Variants in IFITM5 observed in about 807,000 individuals in gnomAD.
IFITM5 encodes the protein interferon induced transmembrane protein 5, also known as interferon-induced transmembrane protein 5.
Under a neutral mutation model 9.2 loss-of-function variants are expected in IFITM5, and 10 were observed. The ratio of observed to expected loss-of-function variants is 1.09; its 90% CI spans 0.67 to 1.85. IFITM5 has a LOEUF of 1.85. Ranked by LOEUF, IFITM5 falls within the 40% of genes most tolerant of loss-of-function variation. The probability of loss-of-function intolerance (pLI) is 0.00; values close to 1 mark genes in which losing one functional copy is unlikely to be tolerated. For missense variants in IFITM5, 225 were observed against 182.6 expected, an observed-to-expected ratio of 1.23 and a Z score of -1.34; for synonymous variants, 93 against 86.6, an observed-to-expected ratio of 1.07 and a Z score of -0.41.
Position 298,443 on chromosome 11 carries a change from G to A in IFITM5, c.*58C>T. On this transcript the variant is annotated 3_prime_UTR_variant, in exon 2 of 2. Transcript: ENST00000382614. ...CCGGGGAGTCAGTATTGGGCCCCAG[G>A]GGCAGCAGCCTGGGGTCAGTGTCCT... The A allele has an allele frequency of 6.4e-7, 1 of 1,552,370 alleles. No individual in the cohort carries two copies. The highest frequency in any genetic ancestry group is 1.4e-5 in the African/African-American group (1 of 73,688).
In IFITM5 at chr11:298,546, A is replaced by G; in HGVS notation, c.354T>C (p.Ser118=). 4 of 1,612,952 alleles carry G rather than the reference A, an allele frequency of 2.5e-6. No individual in the cohort carries two copies. Among genetic ancestry groups the G allele is most frequent in the Non-Finnish European group, 3.4e-6 (4 of 1,179,970 alleles). ...ALHLARLAKD[S]AAFFSTKFDD... is the part of the protein sequence containing the mutation. ...CAAACTTGGTGCTGAAGAAGGCGGC[A>G]GAGTCCTTGGCCAGCCGGGCCAGGT... The change falls in exon 2 of 2, where the codon TCT becomes TCC. Residue 118 remains serine (S), a synonymous_variant. Coordinates refer to ENST00000382614, the MANE Select transcript of IFITM5 (RefSeq NM_001025295.3).
chr11:298,837 G>T, intron 1 of IFITM5, 124 bp from the exon 2 acceptor site: 1 of 921,662 alleles, frequency 1.1e-6, no homozygotes, highest in Non-Finnish European at 1.6e-6. Context: ...ATGGAGGGGT[G>T]TGGCCTGAGG....
intron 1 of IFITM5, among the ~76,000 whole-genome samples, chr11:299,003 G>T (rs1430213418): frequency 6.6e-6 from 1 of 152,126 alleles, no homozygotes; most frequent in African/African-American, 2.4e-5. Flanking sequence ...TGTTCCAGAA[G>T]CCCACAGCAT....
Position 299,517 on chromosome 11 carries a change from T to C in IFITM5, c.-27A>G, listed in dbSNP as rs113160876. 12,882 of 1,441,638 alleles carry C rather than the reference T, an allele frequency of 8.9e-3. 580 individuals are homozygous for C. The South Asian group carries it at 0.1, about 11-fold the overall frequency. The allele number at this position is 1,441,638 out of a possible 1,614,324, so 89.3% of individuals were successfully genotyped here. A position where few individuals can be genotyped will look rare whatever the true frequency, so the allele number is the denominator to read the frequency against. On this transcript the variant is annotated 5_prime_UTR_variant, in exon 1 of 2. Coordinates refer to ENST00000382614, the MANE Select transcript of IFITM5 (RefSeq NM_001025295.3). ...GGTTCCAGCGCCGTCTCTTCCACAC[T>C]CAGACTGGTGCTGGGAGGGTGGGCA...
In IFITM5 at chr11:299,335, G is replaced by T; in HGVS notation, c.156C>A (p.Leu52=). ...TGGAGTAGGCCAGCGCCAGGAAGCC[G>T]AGGCAACACAGATTCAGGTAGAGGG... The part of the protein sequence containing the change: ...FSTLYLNLCC[L]GFLALAYSIK... Residue 52 remains leucine (L), a synonymous_variant, in exon 1 of 2, where the codon CTC becomes CTA. Transcript: ENST00000382614. 1 of 1,602,924 alleles carries T rather than the reference G, an allele frequency of 6.2e-7. No individual in the cohort carries two copies. Among genetic ancestry groups the T allele is most frequent in the Non-Finnish European group, 8.5e-7 (1 of 1,175,008 alleles).
In IFITM5 at chr11:299,355, A is replaced by G. The variant is rs1359191614; in HGVS notation, c.136T>C (p.Tyr46His). 1.2e-6 allele frequency: 2 copies of G among 1,601,960 alleles called. No individual in the cohort carries two copies. Among genetic ancestry groups the G allele is most frequent in the Non-Finnish European group, 1.7e-6 (2 of 1,174,582 alleles). ...AAGCCGAGGCAACACAGATTCAGGT[A>G]GAGGGTGCTGAACACCGACCAGATC... Reference protein sequence around the residue: ...HLIWSVFSTLYLNLCCLGFLA... With the variant: ...HLIWSVFSTLHLNLCCLGFLA... Residue 46 changes from tyrosine (Y) to histidine (H), a missense_variant, in exon 1 of 2, where the codon TAC (tyrosine) becomes CAC (histidine). Tyr to His is a moderately conservative substitution (Grantham distance 83). Coordinates refer to ENST00000382614, the MANE Select transcript of IFITM5 (RefSeq NM_001025295.3).
rs763254753 is a variant in IFITM5, at chr11:298,639, G to A, written c.261C>T (p.Ile87=). 20 of 1,613,508 alleles carry A rather than the reference G, an allele frequency of 1.2e-5. No homozygotes were observed. Among genetic ancestry groups the A allele is most frequent in the Non-Finnish European group, 1.5e-5 (18 of 1,180,006 alleles). The change falls in exon 2 of 2, where the codon ATC becomes ATT. Residue 87 remains isoleucine, a synonymous_variant. Transcript: ENST00000382614. ...GCACCAGCGTCCACATCGCGGCCAG[G>A]ATGTTGTAGCACTTGGCTTTGGAGC... The part of the protein sequence containing the change: ...RFGSKAKCYN[I]LAAMWTLVPP...
Position 298,233 on chromosome 11 carries a change from G to T in IFITM5, c.*268C>A, listed in dbSNP as rs570049939. 8.0e-6 allele frequency: 4 copies of T among 503,096 alleles called. No individual in the cohort carries two copies. The Admixed American group carries it at 1.1e-4, about 13-fold the overall frequency. 31.2% of individuals were successfully genotyped at this position (503,096 alleles called of 1,614,324 possible). ...ACCAGGCACTTTTAATCGTGGAACC[G>T]AGGGGCCTGGAGTGTGAGGAGGGAG... is the stretch of plus-strand genomic sequence containing the variant. On this transcript the variant is annotated 3_prime_UTR_variant, in exon 2 of 2. Coordinates refer to ENST00000382614, the MANE Select transcript of IFITM5 (RefSeq NM_001025295.3).
chr11:299,152 C>T (rs1845899492), intron 1 of IFITM5, among the ~76,000 whole-genome samples, 153 bp downstream of exon 1: 1 of 151,694 alleles, frequency 6.6e-6, no homozygotes, highest in Admixed American at 6.6e-5. Flanking sequence ...ATACTGATAG[C>T]TGTGCCCACA....
At chr11:298,734 A>G (rs1590296855) in intron 1 of IFITM5, 21 bp from the exon 2 acceptor site, 1 of 1,608,184 alleles carries the variant, frequency 6.2e-7, no homozygotes. Context: ...ACCAGACCAC[A>G]GGGCCAGATC....
In IFITM5 at chr11:298,628, A is replaced by T. The variant is rs566179255; in HGVS notation, c.272T>A (p.Met91Lys). 6 of 1,613,588 alleles carry T rather than the reference A, an allele frequency of 3.7e-6. No individual in the cohort carries two copies. In the African/African-American group the frequency reaches 8.0e-5, roughly 21 times the overall value. Residue 91 changes from methionine (M) to lysine (K), a missense_variant, in exon 2 of 2, where the codon ATG becomes AAG. Coordinates refer to ENST00000382614, the MANE Select transcript of IFITM5 (RefSeq NM_001025295.3). ...KAKCYNILAA[M>K]WTLVPPLLLL... ...CAGCAGTGGCGGCACCAGCGTCCAC[A>T]TCGCGGCCAGGATGTTGTAGCACTT...
intron 1 of IFITM5, 134 bp from the exon 2 acceptor site, chr11:298,847 G>A (rs1353592611): frequency 3.4e-6 from 3 of 872,260 alleles, no homozygotes; most frequent in Non-Finnish European, 3.5e-6. Flanking sequence ...GTGGCCTGAG[G>A]AGATACTCCT....
In IFITM5 at chr11:299,456, G is replaced by A. The variant is rs1433901468; in HGVS notation, c.35C>T (p.Ala12Val). The change falls in exon 1 of 2, where the codon GCC becomes GTC. Residue 12 changes from alanine (A) to valine (V), a missense_variant. Transcript: ENST00000382614. The stretch of plus-strand genomic sequence containing the variant: ...GGCACCGGCCTTGCTGGGCGTGGGG[G>A]CCCGGGTGTCCTCGCGGGGATACGC... ...DTAYPREDTR[A>V]PTPSKAGAHT... 8 of 1,519,670 alleles carry A rather than the reference G, an allele frequency of 5.3e-6. No individual in the cohort carries two copies. The highest frequency in any genetic ancestry group is 2.5e-5 in the South Asian group (2 of 79,092). 94.1% of individuals were successfully genotyped at this position (1,519,670 alleles called of 1,614,324 possible). A position where few individuals can be genotyped will look rare whatever the true frequency, so the allele number is the denominator to read the frequency against.
At chr11:298,744 C>T (rs535849180) in intron 1 of IFITM5, 31 bp from the exon 2 acceptor site, 16 of 1,598,846 alleles carry the variant, frequency 1.0e-5, no homozygotes, top group Non-Finnish European at 1.4e-5. Context: ...AGGGCCAGAT[C>T]TCTATGTGTC....
At chr11:299,174 G>A (rs1227400105) in intron 1 of IFITM5, 131 bp downstream of exon 1, 14 of 737,984 alleles carry the variant, frequency 1.9e-5, no homozygotes, top group Non-Finnish European at 2.5e-5. Context: ...AGCCCCTCAC[G>A]GACAAGCAGA....
At position 299,415 on chromosome 11, in the gene IFITM5, G is replaced by T. The variant is rs1175135886; in HGVS notation, c.76C>A (p.Leu26Met). 2 of 1,555,734 alleles carry T rather than the reference G, an allele frequency of 1.3e-6. No individual in the cohort carries two copies. Among genetic ancestry groups the T allele is most frequent in the Non-Finnish European group, 1.7e-6 (2 of 1,151,888 alleles). ...CGAGGCGGGGGGTGCGGGGCCCCCAGTGTGAGGGCTGTGTGGGCACCGGCC... is the reference window on the plus strand; with the variant it reads ...CGAGGCGGGGGGTGCGGGGCCCCCATTGTGAGGGCTGTGTGGGCACCGGCC... ...SKAGAHTALT[L>M]GAPHPPPRDH... Residue 26 changes from leucine to methionine, a missense_variant, in exon 1 of 2, where the codon CTG becomes ATG. Leu to Met is a conservative substitution (Grantham distance 15, BLOSUM62 2). Coordinates refer to ENST00000382614, the MANE Select transcript of IFITM5 (RefSeq NM_001025295.3).
rs1201577113 is a variant in IFITM5 at position 299,521 on chromosome 11, A to G, written c.-31T>C. ...CCAGCGCCGTCTCTTCCACACTCAG[A>G]CTGGTGCTGGGAGGGTGGGCACCCG... On this transcript the variant is annotated 5_prime_UTR_variant, in exon 1 of 2. Coordinates refer to ENST00000382614, the MANE Select transcript of IFITM5 (RefSeq NM_001025295.3). The G allele has an allele frequency of 7.0e-7, 1 of 1,437,174 alleles. No homozygotes were observed. Among genetic ancestry groups the G allele is most frequent in the Non-Finnish European group, 9.1e-7 (1 of 1,094,156 alleles). The allele number at this position is 1,437,174 out of a possible 1,614,324, so 89.0% of individuals were successfully genotyped here.
chr11:298,225 G>A lies in IFITM5; in HGVS notation c.*276C>T, dbSNP rs766022198. The A allele has an allele frequency of 2.1e-5, 10 of 481,038 alleles. No individual in the cohort carries two copies. The highest frequency in any genetic ancestry group is 7.3e-5 in the Admixed American group (2 of 27,214). The allele number at this position is 481,038 out of a possible 1,614,324, so 29.8% of individuals were successfully genotyped here. ...TTTCTGGAACCAGGCACTTTTAATCGTGGAACCGAGGGGCCTGGAGTGTGA... is the reference window on the plus strand; with the variant it reads ...TTTCTGGAACCAGGCACTTTTAATCATGGAACCGAGGGGCCTGGAGTGTGA... On this transcript the variant is annotated 3_prime_UTR_variant, in exon 2 of 2. Coordinates refer to ENST00000382614, the MANE Select transcript of IFITM5 (RefSeq NM_001025295.3).
chr11:299,287 G>C lies in IFITM5; in HGVS notation c.186+18C>G, dbSNP rs368683566. 1.9e-6 allele frequency: 3 copies of C among 1,553,670 alleles called. No individual in the cohort carries two copies. The highest frequency in any genetic ancestry group is 4.9e-5 in the East Asian group (2 of 40,662). ...GTAGTGGAGCCTCCCCCGCAACCTC[G>C]GTAGGGCCCCTGCCCACCTTGATGG... On this transcript the variant is annotated intron_variant, in intron 1 of 1. Coordinates refer to ENST00000382614, the MANE Select transcript of IFITM5 (RefSeq NM_001025295.3).
Sources: gnomAD v4.1 joint callset for allele counts (sites outside exome capture counted in the v4.1 genomes callset) on GRCh38, gnomAD v4.1.1 for gene constraint, MANE v1.5 for transcripts, NCBI Gene and HGNC (gene_info 2026-07-23, HGNC 2026-07-21) for gene names.